Variants in SIGLEC15 observed in about 807,000 individuals in gnomAD.
SIGLEC15 encodes the protein sialic acid binding Ig like lectin 15.
A neutral mutation model predicts 26.2 loss-of-function variants in SIGLEC15; 31 were observed. That is an observed-to-expected ratio of 1.18 (90% CI 0.89 to 1.60). The LOEUF is 1.60. SIGLEC15 is among the 40% of genes most tolerant of loss of function. SIGLEC15 has a pLI of 0.00. For missense variants in SIGLEC15, 501 were observed against 488.4 expected (o/e 1.03, Z -0.24); for synonymous variants, 207 against 221.9 (o/e 0.93, Z 0.60).
chr18:45,828,446 C>T (rs542117798), intron 1 of SIGLEC15, among the ~76,000 whole-genome samples: 1 of 152,110 alleles, frequency 6.6e-6, no homozygotes. Context: ...TGCCAGGGAA[C>T]GTGGGGCAGG....
rs1279070292 is a variant in SIGLEC15, at chr18:45,843,432, C to G, written c.*1245C>G. ...GCTAGGGGAATAACGAGGCCATGAA[C>G]AAGACATCTCACCCCAGTTACAATG... On this transcript the variant is annotated 3_prime_UTR_variant, in exon 6 of 6. Coordinates refer to ENST00000389474, the MANE Select transcript of SIGLEC15 (RefSeq NM_213602.3). 2.6e-5 allele frequency: 4 copies of G among 152,224 alleles called. No individual in the cohort carries two copies. The East Asian group carries it at 7.7e-4, about 29-fold the overall frequency. 9.4% of individuals were successfully genotyped at this position (152,224 alleles called of 1,614,324 possible).
Position 45,839,007 on chromosome 18 carries a change from G to C in SIGLEC15, c.786G>C (p.Ser262=). The C allele has an allele frequency of 6.3e-7, 1 of 1,592,932 alleles. No homozygotes were observed. The highest frequency in any genetic ancestry group is 8.5e-7 in the Non-Finnish European group (1 of 1,175,376). The change falls in exon 4 of 6, where the codon TCG becomes TCC. Residue 262 remains serine, a synonymous_variant. Transcript: ENST00000389474. The part of the protein sequence containing the change: ...LFRFHGASGA[S]TVALLLGALG... ...GCTTCCATGGCGCCAGCGGGGCCTC[G>C]ACGGTCGCCCTCCTGCTCGGCGCTC... is the stretch of plus-strand genomic sequence containing the variant.
In SIGLEC15 at chr18:45,839,076, C is replaced by T. The variant is rs61995716; in HGVS notation, c.855C>T (p.Arg285=). 1.0e-3 allele frequency: 1,503 copies of T among 1,433,470 alleles called. 12 individuals are homozygous for T. In the Middle Eastern group the frequency reaches 0.03, roughly 29 times the overall value. 88.8% of individuals were successfully genotyped at this position (1,433,470 alleles called of 1,614,324 possible). The change falls in exon 4 of 6, where the codon CGC becomes CGT. Residue 285 remains arginine (R), a synonymous_variant. Coordinates refer to ENST00000389474, the MANE Select transcript of SIGLEC15 (RefSeq NM_213602.3). ...ALLLLGVLAA[R]AARRRPEHLD... ...TGCTGCTCGGGGTCCTGGCCGCCCG[C>T]GCTGCCCGCCGCCGCCCAGGTGGGT...
intron 1 of SIGLEC15, chr18:45,829,220 G>A (rs548516191): frequency 2.7e-5 from 25 of 927,596 alleles, no homozygotes; most frequent in African/African-American, 3.6e-5. Flanking sequence ...GTCAGCCTGC[G>A]GCAGAGGCAT....
chr18:45,837,590 T>G lies in SIGLEC15; in HGVS notation c.190T>G (p.Cys64Gly), dbSNP rs749362975. The G allele has an allele frequency of 2.4e-5, 37 of 1,512,830 alleles. No individual in the cohort carries two copies. The highest frequency in any genetic ancestry group is 2.4e-4 in the South Asian group (20 of 81,986). 93.7% of individuals were successfully genotyped at this position (1,512,830 alleles called of 1,614,324 possible). The change falls in exon 3 of 6, where the codon TGC (cysteine) becomes GGC (glycine). Residue 64 changes from cysteine (C) to glycine (G), a missense_variant. By Grantham distance (159) the Cys-to-Gly change is radical (BLOSUM62 -3). Coordinates refer to ENST00000389474, the MANE Select transcript of SIGLEC15 (RefSeq NM_213602.3). The stretch of plus-strand genomic sequence containing the variant: ...GGCAGGCGACGCGGCAGTGCTGCCC[T>G]GCACCTTCACGCACCCGCACCGCCA... The part of the protein sequence containing the change: ...AEAGDAAVLP[C>G]TFTHPHRHYD...
chr18:45,840,304 G>T, intron 5 of SIGLEC15, 63 bp downstream of exon 5: 2 of 1,538,064 alleles, frequency 1.3e-6, no homozygotes, highest in Non-Finnish European at 8.9e-7. Flanking sequence ...TCACCCAGGG[G>T]GTCCAGGCAG....
chr18:45,829,292 T>G (rs1005967960), intron 1 of SIGLEC15: 4 of 318,032 alleles, frequency 1.3e-5, no homozygotes, highest in African/African-American at 2.2e-5. Flanking sequence ...TTTCACTCAC[T>G]ACTCACACCT....
rs563241878 is a variant in SIGLEC15, at chr18:45,828,110, G to A, written c.52+2330G>A. ...CATGGCTCAGCCAGAAGACATCCAG[G>A]CCACGGCCTGGGCAGGAGGCCCGAG... On this transcript the variant is annotated intron_variant, in intron 1 of 5. Coordinates refer to ENST00000389474, the MANE Select transcript of SIGLEC15 (RefSeq NM_213602.3). Among the ~76,000 whole-genome samples, 17 of 152,296 alleles carry A rather than the reference G, an allele frequency of 1.1e-4. No individual in the cohort carries two copies. In the East Asian group the frequency reaches 3.3e-3, roughly 29 times the overall value.
At position 45,839,103 on chromosome 18, in the gene SIGLEC15, C is replaced by T; in HGVS notation, c.874+8C>T. 2.2e-6 allele frequency: 3 copies of T among 1,388,866 alleles called. No individual in the cohort carries two copies. The highest frequency in any genetic ancestry group is 1.6e-5 in the South Asian group (1 of 60,644). The allele number at this position is 1,388,866 out of a possible 1,614,324, so 86.0% of individuals were successfully genotyped here. A position where few individuals can be genotyped will look rare whatever the true frequency, so the allele number is the denominator to read the frequency against. On this transcript the variant is annotated splice_region_variant and intron_variant, in intron 4 of 5. Transcript: ENST00000389474. ...CTGCCCGCCGCCGCCCAGGTGGGTG[C>T]GCCCCAGACACGGGTGGCCGCGAGG...
chr18:45,835,545 G>T (rs1381138160), intron 1 of SIGLEC15, among the ~76,000 whole-genome samples: 1 of 152,100 alleles, frequency 6.6e-6, no homozygotes, highest in Non-Finnish European at 1.5e-5. Context: ...GTAACAAACT[G>T]GTGCTGATCT....
At chr18:45,829,219 C>T (rs937142435) in intron 1 of SIGLEC15, 31 of 915,430 alleles carry the variant, frequency 3.4e-5, no homozygotes, top group African/African-American at 1.1e-4. Context: ...AGTCAGCCTG[C>T]GGCAGAGGCA....
Position 45,843,296 on chromosome 18 carries a change from AC to A in SIGLEC15, c.*1111del, listed in dbSNP as rs2048340742. 6.6e-6 allele frequency: 1 copy of A among 151,968 alleles called. No homozygotes were observed. The highest frequency in any genetic ancestry group is 2.1e-4 in the South Asian group (1 of 4,808). 9.4% of individuals were successfully genotyped at this position (151,968 alleles called of 1,614,324 possible). Reference sequence around the variant, plus strand: ...CTTGGAGGGGTGCTTCCCTATTTACACCTCAGGGTGAATTTGTTGATCACCT... The same window carrying A: ...CTTGGAGGGGTGCTTCCCTATTTACACTCAGGGTGAATTTGTTGATCACCT... On this transcript the variant is annotated 3_prime_UTR_variant, in exon 6 of 6. Transcript: ENST00000389474.
chr18:45,825,870 G>T (rs1476457465), intron 1 of SIGLEC15, 90 bp downstream of exon 1: 3 of 1,502,646 alleles, frequency 2.0e-6, no homozygotes, highest in Non-Finnish European at 2.8e-6. Context: ...AAGGCAGGAA[G>T]CAGGTGTGCA....
At chr18:45,833,347 C>T (rs2048249968) in intron 1 of SIGLEC15, among the ~76,000 whole-genome samples, 1 of 152,058 alleles carries the variant, frequency 6.6e-6, no homozygotes, top group South Asian at 2.1e-4. Context: ...GGCAGAGTCT[C>T]GCTCTGTTGC....
intron 1 of SIGLEC15, among the ~76,000 whole-genome samples, chr18:45,835,438 G>A (rs1040125867): frequency 3.9e-5 from 6 of 152,178 alleles, no homozygotes; most frequent in Admixed American, 3.3e-4. Context: ...GCACACAAGG[G>A]CCAAAGTAAC....
At chr18:45,827,708 T>C (rs1473067042) in intron 1 of SIGLEC15, among the ~76,000 whole-genome samples, 1 of 152,202 alleles carries the variant, frequency 6.6e-6, no homozygotes, top group African/African-American at 2.4e-5. Flanking sequence ...TGGCCCTCAG[T>C]GGCCGCACGA....
At chr18:45,827,345 C>A (rs1183641226) in intron 1 of SIGLEC15, among the ~76,000 whole-genome samples, 1 of 152,044 alleles carries the variant, frequency 6.6e-6, no homozygotes, top group African/African-American at 2.4e-5. Context: ...TTGGCTGGGC[C>A]CCCCCACTAC....
At chr18:45,826,387 G>C (rs908169924) in intron 1 of SIGLEC15, among the ~76,000 whole-genome samples, 28 of 152,296 alleles carry the variant, frequency 1.8e-4, no homozygotes, top group African/African-American at 5.8e-4. Context: ...GGGACCATCT[G>C]CATCAGAATC....
intron 1 of SIGLEC15, among the ~76,000 whole-genome samples, chr18:45,830,628 C>CAGGCTGGAGTGCAGTGGCTCTGTCACCT (rs2048227298): frequency 7.0e-6 from 1 of 142,090 alleles, no homozygotes; most frequent in African/African-American, 2.6e-5. Flanking sequence ...CTCTGTCACC[C>CAGGCTGGAGTGCAGTGGCTCTGTCACCT]AGGCTGGAGT....
Sources: gnomAD v4.1 joint callset for allele counts (sites outside exome capture counted in the v4.1 genomes callset) on GRCh38, gnomAD v4.1.1 for gene constraint, MANE v1.5 for transcripts, NCBI Gene and HGNC (gene_info 2026-07-23, HGNC 2026-07-21) for gene names.